The following CNTN6 variants were observed in gnomAD, a reference collection of about 807,000 sequenced individuals.
The protein encoded by CNTN6 is contactin 6.
A neutral mutation model predicts 122.8 loss-of-function variants in CNTN6; 137 were observed. The observed-to-expected ratio is 1.12, with a 90% CI of 0.97 to 1.29. The LOEUF (loss-of-function observed/expected upper bound fraction) is 1.29. Ranked by LOEUF, CNTN6 falls within the 50% of genes most tolerant of loss-of-function variation. The pLI is 0.00. For missense variants in CNTN6, 1,634 were observed against 1,223.4 expected (o/e 1.34, Z -5.01); for synonymous variants, 570 against 426.0 (o/e 1.34, Z -4.16).
chr3:1,322,072 C>T (rs191271835), intron 8 of CNTN6, among the ~76,000 whole-genome samples: 9 of 151,694 alleles, frequency 5.9e-5, no homozygotes, highest in East Asian at 3.9e-4. Flanking sequence ...TTCAAAATAT[C>T]AGCAGTGTCA....
chr3:1,158,792 GTATA>G (rs1300304503), intron 2 of CNTN6, among the ~76,000 whole-genome samples: 2 of 36,938 alleles, frequency 5.4e-5, no homozygotes, highest in African/African-American at 8.6e-5. Context: ...GTATATATGT[GTATA>G]TATATACACA....
chr3:1,298,186 A>C, intron 7 of CNTN6, 195 bp downstream of exon 7: 1 of 518,964 alleles, frequency 1.9e-6, no homozygotes, highest in Non-Finnish European at 3.4e-6. Flanking sequence ...TGTAACTGAA[A>C]ATGATCAGGG....
Position 1,364,567 on chromosome 3 carries a change from A to T in CNTN6, c.1493-7732A>T, listed in dbSNP as rs1376485092. 1.3e-5 allele frequency among the ~76,000 whole-genome samples: 2 copies of T among 151,920 alleles called. 1 individual carries two copies. Among genetic ancestry groups the T allele is most frequent in the Non-Finnish European group, 2.9e-5 (2 of 67,862 alleles). On this transcript the variant is annotated intron_variant, in intron 12 of 22. Transcript: ENST00000446702. Reference sequence around the variant, plus strand: ...TATGGTCAGGAAAGATGAATTATACATTTAACTGCCATCCCCTTGCTTCTA... The same window carrying T: ...TATGGTCAGGAAAGATGAATTATACTTTTAACTGCCATCCCCTTGCTTCTA...
intron 7 of CNTN6, among the ~76,000 whole-genome samples, chr3:1,319,140 G>C (rs968255714): frequency 6.6e-6 from 1 of 151,544 alleles, no homozygotes; most frequent in Non-Finnish European, 1.5e-5. Flanking sequence ...CTTTTGTAAA[G>C]TAACAAATAC....
rs147224770 is a variant in CNTN6 at position 1,321,755 on chromosome 3, A to G, written c.867A>G (p.Gln289=). ...TCCTTGAAATCCCGAACTTCCAACA[A>G]GAAGATGAAGGCTTTTATGAGTGCA... ...QAILEIPNFQ[Q]EDEGFYECIA... Residue 289 remains glutamine (Q), a synonymous_variant, in exon 8 of 23, where the codon CAA becomes CAG. Coordinates refer to ENST00000446702, the MANE Select transcript of CNTN6 (RefSeq NM_001289080.2). 1.2e-6 allele frequency: 2 copies of G among 1,611,882 alleles called. No homozygotes were observed. Among genetic ancestry groups the G allele is most frequent in the South Asian group, 2.2e-5 (2 of 91,022 alleles).
chr3:1,195,041 C>G (rs1489541622), intron 2 of CNTN6, among the ~76,000 whole-genome samples: 1 of 152,092 alleles, frequency 6.6e-6, no homozygotes, highest in Non-Finnish European at 1.5e-5. Flanking sequence ...TCCCAACCAT[C>G]TCCTTTACTG....
Position 1,220,008 on chromosome 3 carries a change from T to C in CNTN6, c.56-679T>C, listed in dbSNP as rs116164884. On this transcript the variant is annotated intron_variant, in intron 2 of 22. Transcript: ENST00000446702. ...CAGAATGACAATCTGTCTCAAAAAATAAAAAGAAAATAAAAAAGAAAAAAA... is the reference window on the plus strand; with the variant it reads ...CAGAATGACAATCTGTCTCAAAAAACAAAAAGAAAATAAAAAAGAAAAAAA... 4.4e-5 allele frequency among the ~76,000 whole-genome samples: 4 copies of C among 91,908 alleles called. No homozygotes were observed. In the East Asian group the frequency reaches 8.5e-4, roughly 20 times the overall value. 60.3% of individuals were successfully genotyped at this position (91,908 alleles called of 152,430 possible). A position where few individuals can be genotyped will look rare whatever the true frequency, so the allele number is the denominator to read the frequency against.
Position 1,202,053 on chromosome 3 carries a change from C to A in CNTN6, c.56-18634C>A, listed in dbSNP as rs114313133. ...AACGGCATAAAATAATAACCTTAAT[C>A]TTTAAAAAATGCTAGTGGAGTAAAT... On this transcript the variant is annotated intron_variant, in intron 2 of 22. Coordinates refer to ENST00000446702, the MANE Select transcript of CNTN6 (RefSeq NM_001289080.2). 8.4e-3 allele frequency among the ~76,000 whole-genome samples: 1,279 copies of A among 152,314 alleles called. 20 individuals carry two copies. Among genetic ancestry groups the A allele is most frequent in the African/African-American group, 0.029 (1,209 of 41,560 alleles).
At chr3:1,244,246 G>A (rs1394749673) in intron 4 of CNTN6, among the ~76,000 whole-genome samples, 2 of 152,098 alleles carry the variant, frequency 1.3e-5, no homozygotes, top group African/African-American at 2.4e-5. Context: ...GAGGGTGGAA[G>A]GTGGCCCATA....
chr3:1,357,074 G>A (rs1706679576), intron 12 of CNTN6, among the ~76,000 whole-genome samples: 1 of 151,828 alleles, frequency 6.6e-6, no homozygotes, highest in Non-Finnish European at 1.5e-5. Context: ...ATGACATATA[G>A]CTGTGTTTTT....
At chr3:1,346,451 C>T (rs953459095) in intron 11 of CNTN6, among the ~76,000 whole-genome samples, 1 of 152,064 alleles carries the variant, frequency 6.6e-6, no homozygotes, top group Non-Finnish European at 1.5e-5. Flanking sequence ...TGTTCCTGCT[C>T]TCTTGGGAAT....
chr3:1,122,432 C>G (rs1244954720), intron 1 of CNTN6, among the ~76,000 whole-genome samples: 1 of 141,170 alleles, frequency 7.1e-6, no homozygotes, highest in Non-Finnish European at 1.6e-5. Flanking sequence ...TTTAAAAACA[C>G]AGTTTATTGA....
chr3:1,373,811 C>A, intron 15 of CNTN6, 49 bp downstream of exon 15: 1 of 1,506,848 alleles, frequency 6.6e-7, no homozygotes, highest in South Asian at 1.4e-5. Context: ...TATTTTAGTC[C>A]AATAATTTTA....
intron 2 of CNTN6, among the ~76,000 whole-genome samples, chr3:1,188,120 A>G (rs1325495442): frequency 1.3e-5 from 2 of 152,212 alleles, no homozygotes; most frequent in Non-Finnish European, 2.9e-5. Flanking sequence ...TGATGCAAGC[A>G]AATAGTCAAG....
At chr3:1,357,593 C>T (rs950812364) in intron 12 of CNTN6, among the ~76,000 whole-genome samples, 2 of 151,770 alleles carry the variant, frequency 1.3e-5, no homozygotes, top group Non-Finnish European at 2.9e-5. Context: ...TAGTAAGTGG[C>T]AGAACTTTAG....
At position 1,352,345 on chromosome 3, in the gene CNTN6, C is replaced by A. The variant is rs1352299959; in HGVS notation, c.1386C>A (p.Gly462=). 2 of 1,530,238 alleles carry A rather than the reference C, an allele frequency of 1.3e-6. No homozygotes were observed. The highest frequency in any genetic ancestry group is 1.8e-6 in the Non-Finnish European group (2 of 1,130,610). The allele number at this position is 1,530,238 out of a possible 1,614,324, so 94.8% of individuals were successfully genotyped here. The change falls in exon 12 of 23, where the codon GGC becomes GGA. Residue 462 remains glycine (G), a synonymous_variant. Transcript: ENST00000446702. ...TTAGAATATTTCTCTTGGAGGATGGCAGCCTCAAGATATATAATATTACCA... is the reference window on the plus strand; with the variant it reads ...TTAGAATATTTCTCTTGGAGGATGGAAGCCTCAAGATATATAATATTACCA... ...QSKRIFLLED[G]SLKIYNITRS...
intron 2 of CNTN6, among the ~76,000 whole-genome samples, chr3:1,202,543 A>AAAATAAATAAAT (rs201394766): frequency 9.8e-4 from 124 of 126,580 alleles, no homozygotes; most frequent in Middle Eastern, 7.8e-3. Context: ...TCCGTCTCAA[A>AAAATAAATAAAT]AAATAAATAA....
At chr3:1,345,335 C>G (rs187656323) in intron 11 of CNTN6, among the ~76,000 whole-genome samples, 11 of 152,060 alleles carry the variant, frequency 7.2e-5, no homozygotes, top group Non-Finnish European at 1.5e-4. Context: ...AGTCTGGTCT[C>G]GAACTCCTGA....
chr3:1,150,079 A>C, intron 2 of CNTN6, among the ~76,000 whole-genome samples: 1 of 152,016 alleles, frequency 6.6e-6, no homozygotes, highest in Non-Finnish European at 1.5e-5. Context: ...ATAGCTACTT[A>C]AATGAGATAA....
Sources: gnomAD v4.1 joint callset for allele counts (sites outside exome capture counted in the v4.1 genomes callset) on GRCh38, gnomAD v4.1.1 for gene constraint, MANE v1.5 for transcripts, NCBI Gene and HGNC (gene_info 2026-07-23, HGNC 2026-07-21) for gene names.